Variants in FAM171A1 observed in about 807,000 individuals in gnomAD.
FAM171A1 encodes the protein protein FAM171A1.
In FAM171A1, 23 loss-of-function variants were observed where a neutral mutation model predicts 74.9. The ratio of observed to expected loss-of-function variants is 0.31; its 90% CI spans 0.22 to 0.44. The LOEUF is 0.44. FAM171A1 is among the 20% of genes least tolerant of loss of function. FAM171A1 has a pLI of 1.00. For missense variants in FAM171A1, 1,162 were observed against 1,159.2 expected (o/e 1.00, Z -0.03); for synonymous variants, 527 against 505.7 (o/e 1.04, Z -0.57).
chr10:15,216,241 G>A (rs1833965238), intron 6 of FAM171A1, 131 bp from the exon 7 acceptor site: 2 of 539,804 alleles, frequency 3.7e-6, no homozygotes, highest in Admixed American at 3.8e-5. Context: ...AGAGGAAAAC[G>A]CCCTTGGATC....
At chr10:15,240,678 C>T (rs1273737139) in intron 5 of FAM171A1, 9 of 980,012 alleles carry the variant, frequency 9.2e-6, no homozygotes, top group Non-Finnish European at 1.1e-5. Flanking sequence ...CTTTCAATTT[C>T]CTGGCAGTCA....
At chr10:15,321,343 T>A (rs1835484591) in intron 1 of FAM171A1, among the ~76,000 whole-genome samples, 1 of 152,210 alleles carries the variant, frequency 6.6e-6, no homozygotes, top group Non-Finnish European at 1.5e-5. Flanking sequence ...AGAAACAAGC[T>A]GTGTTCTCGT....
chr10:15,256,904 C>T (rs1834587479), intron 3 of FAM171A1, among the ~76,000 whole-genome samples: 1 of 152,160 alleles, frequency 6.6e-6, no homozygotes, highest in Non-Finnish European at 1.5e-5. Flanking sequence ...AAGGTCAAAG[C>T]CAGCATTCTT....
intron 1 of FAM171A1, among the ~76,000 whole-genome samples, chr10:15,311,957 T>C (rs1411417085): frequency 2.0e-5 from 3 of 152,190 alleles, no homozygotes; most frequent in Non-Finnish European, 4.4e-5. Context: ...GTACATTACG[T>C]GATTATTTAC....
At chr10:15,353,885 A>C (rs951559056) in intron 1 of FAM171A1, among the ~76,000 whole-genome samples, 6 of 152,362 alleles carry the variant, frequency 3.9e-5, no homozygotes, top group African/African-American at 1.4e-4. Context: ...CCAACACTCC[A>C]TTCTGCCCTA....
intron 1 of FAM171A1, among the ~76,000 whole-genome samples, chr10:15,367,723 C>G (rs12266917): frequency 0.02 from 3,115 of 152,310 alleles, 99 homozygotes; most frequent in African/African-American, 0.071. Flanking sequence ...CAGATTGCAG[C>G]TTTTCTGAGA....
chr10:15,229,942 CCAT>C (rs1250194011), intron 5 of FAM171A1, among the ~76,000 whole-genome samples: 3 of 151,628 alleles, frequency 2.0e-5, no homozygotes, highest in African/African-American at 7.3e-5. Flanking sequence ...ATCACCATCA[CCAT>C]CATCACCATC....
intron 5 of FAM171A1, chr10:15,240,708 T>G: frequency 1.0e-6 from 1 of 985,172 alleles, no homozygotes; most frequent in Non-Finnish European, 1.2e-6. Flanking sequence ...GTGTGTGAGT[T>G]AGAGTTAAAA....
At chr10:15,295,167 A>C (rs1435961162) in intron 1 of FAM171A1, among the ~76,000 whole-genome samples, 1 of 152,026 alleles carries the variant, frequency 6.6e-6, no homozygotes, top group African/African-American at 2.4e-5. Context: ...TGAACTCCTG[A>C]CCTCAGGTGA....
intron 5 of FAM171A1, chr10:15,241,362 T>A (rs781469633): frequency 7.9e-5 from 12 of 152,202 alleles, no homozygotes; most frequent in Admixed American, 2.0e-4. Flanking sequence ...GGTCACAATT[T>A]TTTTTAAATT....
At chr10:15,335,262 GACAA>G (rs948114464) in intron 1 of FAM171A1, among the ~76,000 whole-genome samples, 85 of 151,898 alleles carry the variant, frequency 5.6e-4, no homozygotes, top group African/African-American at 1.7e-3. Flanking sequence ...CAAAACAAAC[GACAA>G]ACAAACAAAC....
intron 1 of FAM171A1, among the ~76,000 whole-genome samples, chr10:15,325,421 T>C (rs1319158735): frequency 6.6e-6 from 1 of 152,098 alleles, no homozygotes. Flanking sequence ...GGTGGGAGGA[T>C]CACTTGAGTC....
rs201400040 is a variant in FAM171A1 at position 15,283,902 on chromosome 10, G to C, written c.301C>G (p.Pro101Ala). ...CCAGGTAACCGGATTGGCTTCCATGGGGCAGAGTTTGGCACGTAGGCATGC... is the reference window on the plus strand; with the variant it reads ...CCAGGTAACCGGATTGGCTTCCATGCGGCAGAGTTTGGCACGTAGGCATGC... ...SKHAYVPNSAPWKPIRLPVFS... is the reference protein window; with the variant it reads ...SKHAYVPNSAAWKPIRLPVFS... Residue 101 changes from proline to alanine, a missense_variant, in exon 2 of 8, where the codon CCA (proline) becomes GCA (alanine). Physicochemically the swap from Pro to Ala is conservative, Grantham distance 27. Coordinates refer to ENST00000378116, the MANE Select transcript of FAM171A1 (RefSeq NM_001010924.2). 1.2e-6 allele frequency: 2 copies of C among 1,614,198 alleles called. No homozygotes were observed. Among genetic ancestry groups the C allele is most frequent in the African/African-American group, 2.7e-5 (2 of 75,046 alleles).
chr10:15,296,749 T>A (rs1187098261), intron 1 of FAM171A1, among the ~76,000 whole-genome samples: 1 of 152,234 alleles, frequency 6.6e-6, no homozygotes. Flanking sequence ...GGGGTTCTTT[T>A]TTTGAAACAT....
At chr10:15,256,678 C>G (rs763309179) in intron 3 of FAM171A1, among the ~76,000 whole-genome samples, 2 of 152,196 alleles carry the variant, frequency 1.3e-5, no homozygotes, top group Non-Finnish European at 2.9e-5. Flanking sequence ...TTGTATTCTT[C>G]TTAGTCTGGT....
chr10:15,338,395 A>G (rs1588561295), intron 1 of FAM171A1, among the ~76,000 whole-genome samples: 1 of 152,344 alleles, frequency 6.6e-6, no homozygotes, highest in Admixed American at 6.5e-5. Context: ...AATAAAGGAA[A>G]CAGCAATTAG....
chr10:15,213,743 C>T lies in FAM171A1; in HGVS notation c.1845G>A (p.Gln615=). The T allele has an allele frequency of 6.2e-7, 1 of 1,613,830 alleles. No homozygotes were observed. Among genetic ancestry groups the T allele is most frequent in the Non-Finnish European group, 8.5e-7 (1 of 1,179,802 alleles). The change falls in exon 8 of 8, where the codon CAG becomes CAA. Residue 615 remains glutamine, a synonymous_variant. Coordinates refer to ENST00000378116, the MANE Select transcript of FAM171A1 (RefSeq NM_001010924.2). The surrounding 1 kb of genome is among the most constrained non-coding windows in gnomAD (Gnocchi z 6.8). ...ADQQLEIERL[Q]AELSNPHAGI... ...CGGCATGGGGATTGGACAGCTCAGC[C>T]TGTAGTCTTTCTATCTCAAGCTGCT... is the stretch of plus-strand genomic sequence containing the variant.
intron 1 of FAM171A1, among the ~76,000 whole-genome samples, chr10:15,324,252 C>T (rs527428657): frequency 5.7e-4 from 87 of 152,190 alleles, no homozygotes; most frequent in African/African-American, 1.9e-3. Flanking sequence ...TTCCTTTCTC[C>T]GTCTTTTCCT....
intron 3 of FAM171A1, among the ~76,000 whole-genome samples, chr10:15,264,572 C>A (rs988159181): frequency 1.1e-4 from 16 of 151,744 alleles, no homozygotes; most frequent in Non-Finnish European, 1.8e-4. Context: ...ATAGCTTGAG[C>A]CTAGGAACTT....
Sources: gnomAD v4.1 joint callset for allele counts (sites outside exome capture counted in the v4.1 genomes callset) on GRCh38, gnomAD v4.1.1 for gene constraint, Gnocchi (gnomAD v3.1) non-coding constraint, MANE v1.5 for transcripts, NCBI Gene and HGNC (gene_info 2026-07-23, HGNC 2026-07-21) for gene names.